The following CCDC148 variants were observed in gnomAD, a reference collection of about 807,000 sequenced individuals.
CCDC148 encodes coiled-coil domain-containing protein 148.
Under a neutral mutation model 85.7 loss-of-function variants are expected in CCDC148, and 89 were observed. The ratio of observed to expected loss-of-function variants is 1.04; its 90% CI spans 0.87 to 1.24. The LOEUF (loss-of-function observed/expected upper bound fraction) is 1.24. Ranked by LOEUF, CCDC148 falls within the 50% of genes most tolerant of loss-of-function variation. The pLI is 0.00. For synonymous variants in CCDC148, 230 were observed against 213.9 expected, an observed-to-expected ratio of 1.08 and a Z score of -0.66; for missense variants, 692 against 671.7, an observed-to-expected ratio of 1.03 and a Z score of -0.33.
chr2:158,383,241 TG>T (rs1407805450), intron 1 of CCDC148, among the ~76,000 whole-genome samples: 5 of 151,894 alleles, frequency 3.3e-5, no homozygotes, highest in African/African-American at 1.2e-4. Flanking sequence ...CGCTTGAACC[TG>T]GGAGGTGGAG....
At chr2:158,361,573 T>C (rs953260417) in intron 1 of CCDC148, among the ~76,000 whole-genome samples, 1 of 152,144 alleles carries the variant, frequency 6.6e-6, no homozygotes, top group Non-Finnish European at 1.5e-5. Context: ...CCAGCCAAAC[T>C]AAGCTTCATA....
At chr2:158,347,067 AT>A (rs1683029921) in intron 2 of CCDC148, among the ~76,000 whole-genome samples, 1 of 152,224 alleles carries the variant, frequency 6.6e-6, no homozygotes, top group South Asian at 2.1e-4. Flanking sequence ...TACCAAAAAA[AT>A]ATAAGTACAC....
intron 10 of CCDC148, among the ~76,000 whole-genome samples, chr2:158,232,218 C>T (rs1375377762): frequency 6.6e-6 from 1 of 152,074 alleles, no homozygotes; most frequent in Admixed American, 6.6e-5. Flanking sequence ...GGTTTATTTT[C>T]ACAGTCCCAC....
At chr2:158,195,971 A>G (rs544816630) in intron 11 of CCDC148, among the ~76,000 whole-genome samples, 7 of 152,124 alleles carry the variant, frequency 4.6e-5, no homozygotes, top group Non-Finnish European at 8.8e-5. Context: ...ATAGCAATCC[A>G]TAGGGAATCA....
At chr2:158,372,251 G>A (rs191574984) in intron 1 of CCDC148, among the ~76,000 whole-genome samples, 11 of 151,990 alleles carry the variant, frequency 7.2e-5, no homozygotes, top group Admixed American at 2.0e-4. Flanking sequence ...TTTTTGGGGC[G>A]GGGGGAAAGG....
At chr2:158,402,261 C>A (rs1685815798) in intron 1 of CCDC148, among the ~76,000 whole-genome samples, 1 of 151,812 alleles carries the variant, frequency 6.6e-6, no homozygotes, top group African/African-American at 2.4e-5. Context: ...TTTCAGAAAC[C>A]AAATAGTTTG....
At chr2:158,409,071 G>C (rs1262452835) in intron 1 of CCDC148, among the ~76,000 whole-genome samples, 3 of 151,828 alleles carry the variant, frequency 2.0e-5, no homozygotes, top group African/African-American at 7.3e-5. Flanking sequence ...TATATAGAGA[G>C]AGAAATATAT....
At chr2:158,210,029 G>C (rs4624337) in intron 11 of CCDC148, among the ~76,000 whole-genome samples, 18 of 152,070 alleles carry the variant, frequency 1.2e-4, no homozygotes, top group Non-Finnish European at 2.1e-4. Context: ...ATTGGATAAA[G>C]AGTCACGACC....
rs145047579 is a variant in CCDC148, at chr2:158,375,016, A to AT, written c.26-16447dup. On this transcript the variant is annotated intron_variant, in intron 1 of 13. Transcript: ENST00000283233. ...TGTTATTTATTTTAAAATATTTTCT[A>AT]TATGAAGTTGTTTGAATTCACAAAT... Among the ~76,000 whole-genome samples the AT allele has an allele frequency of 2.3e-3, 357 of 152,178 alleles. 1 individual carries two copies. The highest frequency in any genetic ancestry group is 8.1e-3 in the African/African-American group (337 of 41,556).
At chr2:158,181,361 G>A (rs1684894587) in intron 11 of CCDC148, among the ~76,000 whole-genome samples, 1 of 152,098 alleles carries the variant, frequency 6.6e-6, no homozygotes, top group South Asian at 2.1e-4. Context: ...TATTTAACAG[G>A]TATTTGTTGA....
chr2:158,274,337 T>C (rs1158172286), intron 9 of CCDC148, among the ~76,000 whole-genome samples: 1 of 151,086 alleles, frequency 6.6e-6, no homozygotes, highest in Non-Finnish European at 1.5e-5. Context: ...ATTTTTCCAT[T>C]TTAGAAAATT....
At chr2:158,202,331 T>C (rs1436462198) in intron 11 of CCDC148, among the ~76,000 whole-genome samples, 1 of 152,214 alleles carries the variant, frequency 6.6e-6, no homozygotes, top group African/African-American at 2.4e-5. Flanking sequence ...CTGAGTGTTA[T>C]ACTGTGGAAG....
intron 1 of CCDC148, among the ~76,000 whole-genome samples, chr2:158,368,472 G>A (rs752088244): frequency 1.3e-5 from 2 of 152,028 alleles, no homozygotes; most frequent in African/African-American, 2.4e-5. Context: ...CTGCATAACT[G>A]CTACTTGAAC....
intron 1 of CCDC148, among the ~76,000 whole-genome samples, chr2:158,415,993 A>G (rs1179033850): frequency 6.6e-6 from 1 of 152,188 alleles, no homozygotes; most frequent in Non-Finnish European, 1.5e-5. Context: ...AGGCTTTTCC[A>G]TAGATCCTCT....
chr2:158,256,016 T>A (rs1688996028), intron 9 of CCDC148, among the ~76,000 whole-genome samples: 1 of 151,746 alleles, frequency 6.6e-6, no homozygotes, highest in African/African-American at 2.4e-5. Context: ...TCACTCTTAA[T>A]GTACAGTAAA....
intron 1 of CCDC148, chr2:158,365,867 T>C (rs1684178315): frequency 1.7e-6 from 1 of 594,486 alleles, no homozygotes. Context: ...AAACCCATTG[T>C]AAAGAACTGG....
intron 9 of CCDC148, among the ~76,000 whole-genome samples, chr2:158,275,135 C>T (rs1689870247): frequency 6.6e-6 from 1 of 152,202 alleles, no homozygotes; most frequent in African/African-American, 2.4e-5. Flanking sequence ...CCTACTTCCT[C>T]ATAAGTGATT....
At chr2:158,301,251 A>C (rs1691428450) in intron 9 of CCDC148, among the ~76,000 whole-genome samples, 1 of 152,232 alleles carries the variant, frequency 6.6e-6, no homozygotes, top group South Asian at 2.1e-4. Context: ...GAGGAGCAAT[A>C]GCTCAGGAAC....
chr2:158,230,617 T>C (rs950246690), intron 10 of CCDC148, among the ~76,000 whole-genome samples: 2 of 149,678 alleles, frequency 1.3e-5, no homozygotes, highest in Non-Finnish European at 3.0e-5. Flanking sequence ...GGAAAAGCCA[T>C]TGAAGAGACT....
Sources: allele counts gnomAD v4.1 joint callset (sites outside exome capture counted in the v4.1 genomes callset), GRCh38; gene constraint gnomAD v4.1.1; transcripts MANE v1.5; gene names NCBI Gene and HGNC (gene_info 2026-07-23, HGNC 2026-07-21).